The following SYT1 variants were observed in gnomAD, a reference collection of about 807,000 sequenced individuals.
SYT1 encodes synaptotagmin 1.
SYT1 carries 8 observed loss-of-function variants against 44.8 expected under a neutral mutation model. The observed-to-expected ratio is 0.18, with a 90% CI of 0.10 to 0.32. The LOEUF is 0.32. Ranked by LOEUF, SYT1 falls within the 10% of genes least tolerant of loss-of-function variation. The pLI is 1.00. For missense variants in SYT1, 286 were observed against 509.3 expected (o/e 0.56, Z 4.22); for synonymous variants, 154 against 188.8 (o/e 0.82, Z 1.51).
chr12:79,398,656 A>G (rs1227693908), intron 9 of SYT1, among the ~76,000 whole-genome samples: 1 of 152,236 alleles, frequency 6.6e-6, no homozygotes, highest in African/African-American at 2.4e-5. Context: ...TAACTTATAC[A>G]AATCAACATA....
At chr12:79,124,607 A>G (rs574273258) in intron 3 of SYT1, among the ~76,000 whole-genome samples, 55 of 151,954 alleles carry the variant, frequency 3.6e-4, no homozygotes, top group Non-Finnish European at 6.8e-4. Context: ...CATCACCATT[A>G]TCATCATCAC....
At chr12:78,871,662 A>T (rs1873827785) in intron 1 of SYT1, among the ~76,000 whole-genome samples, 1 of 152,006 alleles carries the variant, frequency 6.6e-6, no homozygotes, top group South Asian at 2.1e-4. Context: ...TGAGTTATCA[A>T]GATTATTAGG....
intron 4 of SYT1, among the ~76,000 whole-genome samples, chr12:79,240,337 CT>C (rs1255037360): frequency 6.6e-6 from 1 of 152,178 alleles, no homozygotes; most frequent in Non-Finnish European, 1.5e-5. Context: ...CCTTCTTATT[CT>C]CATTTTCTTC....
chr12:79,092,515 A>C (rs922848659), intron 3 of SYT1, among the ~76,000 whole-genome samples: 4 of 151,774 alleles, frequency 2.6e-5, no homozygotes, highest in African/African-American at 9.7e-5. Flanking sequence ...AGAAAAAAAA[A>C]ATTAATGTGG....
chr12:78,921,182 A>G (rs985207220), intron 1 of SYT1, among the ~76,000 whole-genome samples: 1 of 151,948 alleles, frequency 6.6e-6, no homozygotes, highest in African/African-American at 2.4e-5. Context: ...TTTTTTTAAT[A>G]TTCTATAATG....
intron 3 of SYT1, among the ~76,000 whole-genome samples, chr12:79,126,563 G>A (rs1868454499): frequency 6.6e-6 from 1 of 152,034 alleles, no homozygotes; most frequent in South Asian, 2.1e-4. Flanking sequence ...CCGGCCAAAA[G>A]TGTTTAATAA....
chr12:79,150,260 T>C (rs985922623), intron 3 of SYT1, among the ~76,000 whole-genome samples: 2 of 152,138 alleles, frequency 1.3e-5, no homozygotes, highest in Non-Finnish European at 2.9e-5. Flanking sequence ...CACAATAGAA[T>C]ACTATTCAGC....
At chr12:79,065,704 G>C (rs768951576) in intron 3 of SYT1, among the ~76,000 whole-genome samples, 2 of 152,040 alleles carry the variant, frequency 1.3e-5, no homozygotes, top group Non-Finnish European at 2.9e-5. Flanking sequence ...AATGAAATCT[G>C]ACCAAAATGT....
chr12:79,064,932 GAA>G (rs944120025), intron 3 of SYT1, among the ~76,000 whole-genome samples: 139 of 73,144 alleles, frequency 1.9e-3, no homozygotes, highest in African/African-American at 7.6e-3. Flanking sequence ...TAGAGAGAAA[GAA>G]AGAAAGAAAG....
intron 9 of SYT1, among the ~76,000 whole-genome samples, chr12:79,390,034 A>G (rs553648627): frequency 1.6e-3 from 237 of 151,232 alleles, no homozygotes; most frequent in African/African-American, 5.3e-3. Flanking sequence ...CTGGGTTCAC[A>G]CCATTCTCCT....
In SYT1 at chr12:79,300,789, T is replaced by TTATATATA. The variant is rs56934430; in HGVS notation, c.810+1266_810+1273dup. 4.8e-3 allele frequency among the ~76,000 whole-genome samples: 433 copies of TTATATATA among 89,544 alleles called. 1 individual carries two copies. The highest frequency in any genetic ancestry group is 5.8e-3 in the African/African-American group (140 of 24,306). The allele number at this position is 89,544 out of a possible 152,430, so 58.7% of individuals were successfully genotyped here. ...TGTATATAATATTCATGTATACTTATTATATATATATATATATATATATAT... is the reference window on the plus strand; with the variant it reads ...TGTATATAATATTCATGTATACTTATTATATATATATATATATATATATATATATATAT... On this transcript the variant is annotated intron_variant, in intron 8 of 10. Transcript: ENST00000261205.
chr12:78,876,278 T>C (rs180905801), intron 1 of SYT1, among the ~76,000 whole-genome samples: 274 of 151,562 alleles, frequency 1.8e-3, no homozygotes, highest in African/African-American at 6.4e-3. Flanking sequence ...TAGGTTGCTA[T>C]ATGATAGTAA....
rs1883105582 is a variant in SYT1 at position 79,356,174 on chromosome 12, G to C, written c.928+2555G>C. ...GAGAACAGCCATGGGGTGTCTGGGA[G>C]AGACAACAGATACCTCGTGGCTCAC... On this transcript the variant is annotated intron_variant, in intron 9 of 10. Coordinates refer to ENST00000261205, the MANE Select transcript of SYT1 (RefSeq NM_005639.3). 2.0e-5 allele frequency among the ~76,000 whole-genome samples: 3 copies of C among 151,294 alleles called. No homozygotes were observed. In the South Asian group the frequency reaches 6.3e-4, roughly 32 times the overall value.
chr12:79,255,876 A>G (rs1877485888), intron 4 of SYT1, among the ~76,000 whole-genome samples: 1 of 152,182 alleles, frequency 6.6e-6, no homozygotes, highest in Admixed American at 6.5e-5. Context: ...GGATTTCTAA[A>G]TAGATTTGCT....
At chr12:79,264,989 C>T (rs929347546) in intron 4 of SYT1, among the ~76,000 whole-genome samples, 5 of 152,114 alleles carry the variant, frequency 3.3e-5, no homozygotes, top group Admixed American at 1.3e-4. Flanking sequence ...AATGCTTTGA[C>T]GGTTGTATTA....
At chr12:79,053,684 C>A (rs1874710795) in intron 3 of SYT1, among the ~76,000 whole-genome samples, 3 of 149,516 alleles carry the variant, frequency 2.0e-5, no homozygotes, top group African/African-American at 7.3e-5. Flanking sequence ...TATAAATAAA[C>A]AACACTTATT....
At chr12:79,399,659 C>A (rs1885002461) in intron 9 of SYT1, among the ~76,000 whole-genome samples, 1 of 152,048 alleles carries the variant, frequency 6.6e-6, no homozygotes, top group African/African-American at 2.4e-5. Flanking sequence ...AATTAAAATT[C>A]TCATGTAGAA....
At chr12:79,067,712 G>A (rs922108152) in intron 3 of SYT1, among the ~76,000 whole-genome samples, 1 of 152,128 alleles carries the variant, frequency 6.6e-6, no homozygotes, top group African/African-American at 2.4e-5. Context: ...TTTTTGCTGT[G>A]TGGTGTAGAA....
At chr12:78,916,236 T>C (rs1013044133) in intron 1 of SYT1, among the ~76,000 whole-genome samples, 17 of 152,228 alleles carry the variant, frequency 1.1e-4, no homozygotes, top group African/African-American at 4.1e-4. Context: ...GATTTTCTCT[T>C]ATTTAACTTT....
Sources: gnomAD v4.1 joint callset for allele counts (sites outside exome capture counted in the v4.1 genomes callset) on GRCh38, gnomAD v4.1.1 for gene constraint, MANE v1.5 for transcripts, NCBI Gene and HGNC (gene_info 2026-07-23, HGNC 2026-07-21) for gene names.